The following COL19A1 variants were observed in gnomAD, a reference collection of about 807,000 sequenced individuals.
The protein encoded by COL19A1 is collagen type XIX alpha 1 chain, also known as collagen alpha-1(XIX) chain.
In COL19A1, 159 loss-of-function variants were observed where a neutral mutation model predicts 190.2. The observed-to-expected ratio is 0.84, with a 90% confidence interval of 0.73 to 0.95. COL19A1 has a LOEUF of 0.95. COL19A1 is among the 40% of genes least tolerant of loss of function. The pLI is 0.00. For synonymous variants in COL19A1, 509 were observed against 458.9 expected (o/e 1.11, Z -1.39); for missense variants, 1,418 against 1,431.9 (o/e 0.99, Z 0.16).
intron 15 of COL19A1, among the ~76,000 whole-genome samples, chr6:70,076,972 G>C (rs1781920804): frequency 6.6e-6 from 1 of 152,214 alleles, no homozygotes; most frequent in South Asian, 2.1e-4. Context: ...GCGAATATAT[G>C]TGTGGATGGC....
At position 70,035,902 on chromosome 6, in the gene COL19A1, A is replaced by G. The variant is rs747874623; in HGVS notation, c.1135-2A>G. On this transcript the variant is annotated splice_acceptor_variant, in intron 13 of 50. Transcript: ENST00000620364. LOFTEE classifies it high-confidence loss of function. ...TTGTAGCTTTTCTTTAATCTATTTT[A>G]GGGAGATACAGGACCCCCAGGACCA... 4.3e-6 allele frequency: 7 copies of G among 1,613,116 alleles called. No individual in the cohort carries two copies. Among genetic ancestry groups the G allele is most frequent in the Non-Finnish European group, 5.9e-6 (7 of 1,179,148 alleles).
At chr6:70,102,047 T>C (rs1381743787) in intron 15 of COL19A1, 122 bp from the exon 16 acceptor site, 1 of 842,922 alleles carries the variant, frequency 1.2e-6, no homozygotes, top group Non-Finnish European at 1.9e-6. Flanking sequence ...TCATGTGGAA[T>C]TGGAATTGTT....
chr6:70,040,193 T>C (rs1256256788), intron 14 of COL19A1, among the ~76,000 whole-genome samples: 2 of 152,186 alleles, frequency 1.3e-5, no homozygotes, highest in Middle Eastern at 3.2e-3. Context: ...ATCTATTTCA[T>C]TAAATGTTAC....
intron 37 of COL19A1, among the ~76,000 whole-genome samples, chr6:70,166,472 A>G (rs1474725192): frequency 6.6e-6 from 1 of 152,240 alleles, no homozygotes; most frequent in Non-Finnish European, 1.5e-5. Flanking sequence ...CGATGTTTTC[A>G]TTATTGTGAT....
chr6:70,016,827 A>G (rs1409156374), intron 11 of COL19A1, among the ~76,000 whole-genome samples: 1 of 152,098 alleles, frequency 6.6e-6, no homozygotes, highest in African/African-American at 2.4e-5. Context: ...AATACTATAC[A>G]TCCACTAAAA....
At chr6:70,031,290 T>C (rs1373219895) in intron 12 of COL19A1, among the ~76,000 whole-genome samples, 2 of 152,206 alleles carry the variant, frequency 1.3e-5, no homozygotes, top group South Asian at 2.1e-4. Context: ...TTTTTACACA[T>C]GTATAATACA....
chr6:69,997,524 A>G (rs1776993417), intron 11 of COL19A1, among the ~76,000 whole-genome samples: 1 of 152,190 alleles, frequency 6.6e-6, no homozygotes, highest in Non-Finnish European at 1.5e-5. Flanking sequence ...CAATTACTCA[A>G]TCTCAGTAGA....
chr6:70,137,723 C>T lies in COL19A1; in HGVS notation c.1422C>T (p.Gly474=), dbSNP rs956944465. Residue 474 remains glycine, a synonymous_variant, in exon 19 of 51, where the codon GGC becomes GGT. Transcript: ENST00000620364. ...TACCAGGATTTCCAGGGTCTGTTGG[C>T]CCTAAAGGACAAAAAGGAGAACCTG... ...TGLPGFPGSV[G]PKGQKGEPGE... is the part of the protein sequence containing the mutation. 6.2e-7 allele frequency: 1 copy of T among 1,613,034 alleles called. No individual in the cohort carries two copies. The highest frequency in any genetic ancestry group is 1.3e-5 in the African/African-American group (1 of 74,832).
At chr6:70,010,144 G>A (rs1777898216) in intron 11 of COL19A1, among the ~76,000 whole-genome samples, 1 of 152,004 alleles carries the variant, frequency 6.6e-6, no homozygotes, top group Admixed American at 6.5e-5. Flanking sequence ...AGCACACCAT[G>A]GGAGAAATAT....
chr6:70,170,725 A>G lies in COL19A1; in HGVS notation c.2569-1239A>G, dbSNP rs148091877. On this transcript the variant is annotated intron_variant, in intron 40 of 50. Transcript: ENST00000620364. ...TTTTTTTTTGATCAGTTGTCAAGTT[A>G]CATATTAGGGGACATTTTAAAAGAT... 5.6e-3 allele frequency among the ~76,000 whole-genome samples: 859 copies of G among 152,192 alleles called. 6 individuals are homozygous for G. The highest frequency in any genetic ancestry group is 0.019 in the African/African-American group (805 of 41,540).
intron 2 of COL19A1, chr6:69,890,325 C>T (rs952314594): frequency 6.6e-6 from 1 of 152,170 alleles, no homozygotes; most frequent in Non-Finnish European, 1.5e-5. Flanking sequence ...CTAATTTCTC[C>T]TCTTTCCCAC....
chr6:69,929,780 A>G (rs1772635501), intron 6 of COL19A1, 80 bp downstream of exon 6: 3 of 1,347,354 alleles, frequency 2.2e-6, no homozygotes, highest in Non-Finnish European at 3.0e-6. Context: ...TTCTTCTTTT[A>G]TTACTGTGTA....
At chr6:69,867,497 G>T in intron 1 of COL19A1, 1 of 152,426 alleles carries the variant, frequency 6.6e-6, no homozygotes, top group South Asian at 2.0e-4. Flanking sequence ...AGAGCGCGCC[G>T]GCGCCGCAGC....
At chr6:70,196,412 G>A (rs1466333651) in intron 48 of COL19A1, among the ~76,000 whole-genome samples, 2 of 152,132 alleles carry the variant, frequency 1.3e-5, no homozygotes, top group Admixed American at 6.5e-5. Flanking sequence ...CCATAATGGG[G>A]TAGCAAAATA....
At chr6:70,178,605 G>A (rs1248508225) in intron 42 of COL19A1, among the ~76,000 whole-genome samples, 1 of 152,086 alleles carries the variant, frequency 6.6e-6, no homozygotes, top group Non-Finnish European at 1.5e-5. Flanking sequence ...ACTTAAAAAT[G>A]GTTTAGAGGG....
chr6:69,999,103 T>C (rs571996531), intron 11 of COL19A1, among the ~76,000 whole-genome samples: 8 of 142,138 alleles, frequency 5.6e-5, no homozygotes, highest in Admixed American at 5.4e-4. Flanking sequence ...TGTTCTATTT[T>C]TAGTAGAGAT....
chr6:70,188,315 A>AATG (rs1766655427), intron 47 of COL19A1, 70 bp downstream of exon 47: 2 of 1,474,236 alleles, frequency 1.4e-6, no homozygotes, highest in African/African-American at 1.4e-5. Context: ...CAATGAAAGC[A>AATG]ATGATACTGC....
At chr6:69,966,025 G>A (rs142313155) in intron 11 of COL19A1, among the ~76,000 whole-genome samples, 1 of 152,322 alleles carries the variant, frequency 6.6e-6, no homozygotes, top group Non-Finnish European at 1.5e-5. Flanking sequence ...TCAATCCTCA[G>A]ATAACAGTTA....
At chr6:70,109,952 C>G (rs934664758) in intron 16 of COL19A1, among the ~76,000 whole-genome samples, 1 of 152,168 alleles carries the variant, frequency 6.6e-6, no homozygotes, top group Admixed American at 6.6e-5. Flanking sequence ...AACTAAGTGC[C>G]TTCCGGCACT....
Sources: allele counts gnomAD v4.1 joint callset (sites outside exome capture counted in the v4.1 genomes callset), GRCh38; gene constraint gnomAD v4.1.1; transcripts MANE v1.5; gene names NCBI Gene and HGNC (gene_info 2026-07-23, HGNC 2026-07-21).